OTUD7A: variants seen among roughly 807,000 people sequenced by gnomAD.
The protein encoded by OTUD7A is OTU deubiquitinase 7A, also known as OTU domain-containing protein 7A.
In OTUD7A, 12 loss-of-function variants were observed where a neutral mutation model predicts 65.7. That is an observed-to-expected ratio of 0.18 (90% CI 0.12 to 0.30). OTUD7A has a LOEUF of 0.30. Among genes scored for constraint, OTUD7A ranks in the 10% least tolerant of loss-of-function variants. OTUD7A has a pLI of 1.00. For synonymous variants in OTUD7A, 641 were observed against 586.3 expected (o/e 1.09, Z -1.35); for missense variants, 1,148 against 1,304.8 (o/e 0.88, Z 1.85).
At chr15:31,702,229 C>T (rs910643907) in intron 1 of OTUD7A, among the ~76,000 whole-genome samples, 1 of 115,662 alleles carries the variant, frequency 8.6e-6, no homozygotes, top group African/African-American at 3.8e-5. Flanking sequence ...AGGATGTCTG[C>T]TCTCATCACT....
At chr15:31,771,396 T>C (rs1438639327) in intron 1 of OTUD7A, among the ~76,000 whole-genome samples, 1 of 152,198 alleles carries the variant, frequency 6.6e-6, no homozygotes, top group African/African-American at 2.4e-5. Context: ...CAACGGCCCA[T>C]GAACCATCTC....
At chr15:31,760,360 A>G (rs555301780) in intron 1 of OTUD7A, among the ~76,000 whole-genome samples, 1 of 152,316 alleles carries the variant, frequency 6.6e-6, no homozygotes, top group African/African-American at 2.4e-5. Flanking sequence ...TCAACTTCAT[A>G]TCTCCCTCCA....
At chr15:31,798,618 C>T (rs1896036338) in intron 1 of OTUD7A, among the ~76,000 whole-genome samples, 1 of 152,216 alleles carries the variant, frequency 6.6e-6, no homozygotes. Context: ...AGAACCAAAA[C>T]CTCACTGAGG....
chr15:31,600,549 C>A (rs1890043125), intron 3 of OTUD7A, among the ~76,000 whole-genome samples: 1 of 152,178 alleles, frequency 6.6e-6, no homozygotes, highest in Non-Finnish European at 1.5e-5. Context: ...GAAACTGCAG[C>A]AACCAACGAG....
intron 8 of OTUD7A, among the ~76,000 whole-genome samples, chr15:31,507,283 A>G (rs1010678539): frequency 6.6e-6 from 1 of 152,216 alleles, no homozygotes; most frequent in Non-Finnish European, 1.5e-5. Context: ...GTGGTGACAG[A>G]AGGACAGGGT....
intron 1 of OTUD7A, among the ~76,000 whole-genome samples, chr15:31,818,759 T>C: frequency 6.6e-6 from 1 of 152,248 alleles, no homozygotes; most frequent in East Asian, 1.9e-4. Flanking sequence ...TGTTTATTAC[T>C]GAAGCATTAC....
At chr15:31,601,177 G>A (rs770991130) in intron 3 of OTUD7A, among the ~76,000 whole-genome samples, 24 of 152,104 alleles carry the variant, frequency 1.6e-4, no homozygotes, top group South Asian at 6.2e-4. Flanking sequence ...GCACCACATC[G>A]CACTTTTTCT....
chr15:31,511,193 C>T (rs191470098), intron 8 of OTUD7A, among the ~76,000 whole-genome samples: 8 of 3,824 alleles, frequency 2.1e-3, no homozygotes, highest in African/African-American at 4.9e-3. Context: ...ATGTAACACA[C>T]ATATGTATAT....
intron 1 of OTUD7A, among the ~76,000 whole-genome samples, chr15:31,739,074 T>C (rs1894268652): frequency 1.3e-5 from 2 of 152,192 alleles, no homozygotes; most frequent in African/African-American, 4.8e-5. Context: ...CAGCCCAGAC[T>C]TGTCACAGAG....
At chr15:31,866,200 C>A (rs908673626) in intron 1 of OTUD7A, among the ~76,000 whole-genome samples, 2 of 152,118 alleles carry the variant, frequency 1.3e-5, no homozygotes, top group Non-Finnish European at 2.9e-5. Flanking sequence ...GCAATTTTAC[C>A]AAACAAGGCT....
intron 1 of OTUD7A, among the ~76,000 whole-genome samples, chr15:31,661,841 T>C (rs1189765966): frequency 1.3e-4 from 20 of 152,260 alleles, no homozygotes; most frequent in Admixed American, 1.3e-3. Flanking sequence ...AGATCTCTTA[T>C]TGTAATTGGT....
chr15:31,477,438 G>A lies in OTUD7A; in HGVS notation c.*5856C>T, dbSNP rs2041039783. 6.6e-6 allele frequency: 1 copy of A among 152,212 alleles called. No homozygotes were observed. Among genetic ancestry groups the A allele is most frequent in the Non-Finnish European group, 1.5e-5 (1 of 68,050 alleles). 9.4% of individuals were successfully genotyped at this position (152,212 alleles called of 1,614,324 possible). ...CCAGCTGGTTCCAAAATGCTCCCCT[G>A]CGAACAGTGAGCCTCATATTTGTGA... On this transcript the variant is annotated 3_prime_UTR_variant, in exon 13 of 13. Transcript: ENST00000307050.
In OTUD7A at chr15:31,501,674, T is replaced by C; in HGVS notation, c.1171+16A>G. On this transcript the variant is annotated intron_variant, in intron 10 of 12. Transcript: ENST00000307050. ...CCCTAGGCTCCTGCGTGCACTCTCT[T>C]GGGAGACAGGCATACCTTGTTCTCT... 1.2e-6 allele frequency: 2 copies of C among 1,614,148 alleles called. No individual in the cohort carries two copies. The highest frequency in any genetic ancestry group is 8.5e-7 in the Non-Finnish European group (1 of 1,179,986).
intron 5 of OTUD7A, among the ~76,000 whole-genome samples, chr15:31,544,835 G>C (rs1215474697): frequency 6.6e-6 from 1 of 151,584 alleles, no homozygotes; most frequent in Non-Finnish European, 1.5e-5. Context: ...TACCTAAGAA[G>C]GACAGAATTC....
At chr15:31,519,072 A>G (rs954045696) in intron 8 of OTUD7A, among the ~76,000 whole-genome samples, 12 of 152,188 alleles carry the variant, frequency 7.9e-5, no homozygotes, top group African/African-American at 2.9e-4. Flanking sequence ...GAGGTCAGTC[A>G]TGTGACAAAT....
intron 1 of OTUD7A, among the ~76,000 whole-genome samples, chr15:31,793,595 G>A (rs1895875617): frequency 2.0e-5 from 3 of 152,192 alleles, no homozygotes; most frequent in Admixed American, 6.5e-5. Context: ...GGGGTACGAA[G>A]GTGCCATTTT....
At chr15:31,699,466 A>G (rs934396044) in intron 1 of OTUD7A, among the ~76,000 whole-genome samples, 1 of 152,006 alleles carries the variant, frequency 6.6e-6, no homozygotes, top group African/African-American at 2.4e-5. Context: ...TGACTGTGAG[A>G]CTGATGTTTT....
intron 5 of OTUD7A, among the ~76,000 whole-genome samples, chr15:31,539,277 C>A (rs1887909873): frequency 6.6e-6 from 1 of 152,124 alleles, no homozygotes; most frequent in African/African-American, 2.4e-5. Context: ...CATAGCAGGA[C>A]TTTCCCCTTC....
intron 1 of OTUD7A, among the ~76,000 whole-genome samples, chr15:31,800,537 A>G (rs11071344): frequency 0.94 from 142,444 of 152,162 alleles, 67,390 homozygotes; most frequent in East Asian, 1. Context: ...CAGGAGAGCC[A>G]ACCTACCCAA....
Sources: allele counts gnomAD v4.1 joint callset (sites outside exome capture counted in the v4.1 genomes callset), GRCh38; gene constraint gnomAD v4.1.1; transcripts MANE v1.5; gene names NCBI Gene and HGNC (gene_info 2026-07-23, HGNC 2026-07-21).